FBXO4: variants seen among roughly 807,000 people sequenced by gnomAD.
FBXO4 encodes the protein F-box only protein 4.
Under a neutral mutation model 43.7 loss-of-function variants are expected in FBXO4, and 36 were observed. The ratio of observed to expected loss-of-function variants is 0.82; its 90% CI spans 0.63 to 1.09. The LOEUF is 1.09. FBXO4 is among the 50% of genes least tolerant of loss of function. The probability of loss-of-function intolerance (pLI) is 0.00; values close to 1 mark genes in which losing one functional copy is unlikely to be tolerated. For synonymous variants in FBXO4, 180 were observed against 165.6 expected (o/e 1.09, Z -0.67); for missense variants, 435 against 474.1 (o/e 0.92, Z 0.77).
the FBXO4 span, among the ~76,000 whole-genome samples, chr5:41,983,170 A>G: frequency 6.6e-6 from 1 of 152,226 alleles, no homozygotes; most frequent in African/African-American, 2.4e-5. Context: ...ATAGTACCAC[A>G]ATAAACATAC....
the FBXO4 span, among the ~76,000 whole-genome samples, chr5:42,004,862 G>A: frequency 6.6e-6 from 1 of 152,080 alleles, no homozygotes; most frequent in South Asian, 2.1e-4. Context: ...TGATGCTTTT[G>A]AATTTACAGT....
chr5:41,973,447 C>T, the FBXO4 span, among the ~76,000 whole-genome samples: 4 of 152,042 alleles, frequency 2.6e-5, no homozygotes, highest in African/African-American at 4.8e-5. Flanking sequence ...AATGGTGAGG[C>T]GAGAGGATTG....
At chr5:41,989,930 T>C in the FBXO4 span, among the ~76,000 whole-genome samples, 1 of 152,162 alleles carries the variant, frequency 6.6e-6, no homozygotes, top group Admixed American at 6.6e-5. Context: ...ACTGGGGAAA[T>C]ACGGCAGGGA....
chr5:41,939,517 G>T lies in FBXO4; in HGVS notation c.975G>T (p.Leu325Phe). Residue 325 changes from leucine to phenylalanine, a missense_variant, in exon 6 of 7, where the codon TTG becomes TTT. By Grantham distance (22) the Leu-to-Phe change is conservative. Coordinates refer to ENST00000281623, the MANE Select transcript of FBXO4 (RefSeq NM_012176.3). ...DPAFGSSGRPLLVLSCISQGD... is the reference protein window; with the variant it reads ...DPAFGSSGRPFLVLSCISQGD... ...CCTTTGGGTCTTCGGGAAGACCATTGTTGGTTTTATCTTGTATTTCTCAAG... is the reference window on the plus strand; with the variant it reads ...CCTTTGGGTCTTCGGGAAGACCATTTTTGGTTTTATCTTGTATTTCTCAAG... 1 of 1,613,778 alleles carries T rather than the reference G, an allele frequency of 6.2e-7. No homozygotes were observed. The highest frequency in any genetic ancestry group is 8.5e-7 in the Non-Finnish European group (1 of 1,179,796).
At chr5:41,942,545 C>G (rs117839931), downstream of FBXO4, among the ~76,000 whole-genome samples, 1,756 of 152,098 alleles carry the variant, frequency 0.012, 77 homozygotes, top group Admixed American at 0.074. Context: ...ACCTTATGCT[C>G]TTTTTTTCTT....
the FBXO4 span, among the ~76,000 whole-genome samples, chr5:41,979,663 T>C: frequency 6.6e-6 from 1 of 152,220 alleles, no homozygotes; most frequent in African/African-American, 2.4e-5. Context: ...GGTGCCAGCA[T>C]ACCACTGTTA....
chr5:42,020,090 A>G, the FBXO4 span, among the ~76,000 whole-genome samples: 1 of 152,178 alleles, frequency 6.6e-6, no homozygotes, highest in Non-Finnish European at 1.5e-5. Flanking sequence ...GGATTAGGAA[A>G]TAGTGGGAAG....
chr5:41,967,159 T>C, the FBXO4 span: 1 of 417,982 alleles, frequency 2.4e-6, no homozygotes, highest in Non-Finnish European at 4.7e-6. Context: ...TACTCCAAGC[T>C]CTTTAGACTT....
chr5:41,938,546 T>C (rs905731044), intron 5 of FBXO4, among the ~76,000 whole-genome samples: 1 of 152,224 alleles, frequency 6.6e-6, no homozygotes, highest in Non-Finnish European at 1.5e-5. Flanking sequence ...CAATTTCTAT[T>C]AACAAATTAC....
chr5:42,004,702 G>A, the FBXO4 span, among the ~76,000 whole-genome samples: 1 of 152,116 alleles, frequency 6.6e-6, no homozygotes, highest in African/African-American at 2.4e-5. Context: ...TAAGCACACA[G>A]TCTTGATTCC....
At chr5:41,998,604 G>C in the FBXO4 span, among the ~76,000 whole-genome samples, 5 of 152,050 alleles carry the variant, frequency 3.3e-5, no homozygotes, top group Non-Finnish European at 5.9e-5. Context: ...CTACTTAGTG[G>C]GCCCAAATCA....
the FBXO4 span, among the ~76,000 whole-genome samples, chr5:41,992,086 AAT>A: frequency 2.6e-5 from 4 of 151,898 alleles, no homozygotes; most frequent in South Asian, 8.3e-4. Context: ...CTCATAAAAA[AAT>A]ATATATATAT....
chr5:41,974,365 G>T, the FBXO4 span, among the ~76,000 whole-genome samples: 1 of 152,074 alleles, frequency 6.6e-6, no homozygotes, highest in African/African-American at 2.4e-5. Flanking sequence ...TAGATGGTTT[G>T]ATATTGTTCC....
intron 5 of FBXO4, 102 bp from the exon 6 acceptor site, chr5:41,939,339 C>T: frequency 9.7e-7 from 1 of 1,028,794 alleles, no homozygotes; most frequent in East Asian, 2.5e-5. Flanking sequence ...ATGTTTGGAT[C>T]CTGGTAAATT....
At chr5:41,948,829 C>T in the FBXO4 span, among the ~76,000 whole-genome samples, 4 of 152,108 alleles carry the variant, frequency 2.6e-5, no homozygotes, top group Admixed American at 1.3e-4. Context: ...AACAAAATCT[C>T]GCTGTTTCTG....
chr5:41,999,494 CATATATATATGTGTATAT>C, the FBXO4 span, among the ~76,000 whole-genome samples: 4 of 86,868 alleles, frequency 4.6e-5, no homozygotes, highest in African/African-American at 1.6e-4. Context: ...TATATATATA[CATATATATATGTGTATAT>C]ATATATATAT....
At chr5:42,025,264 G>A in the FBXO4 span, among the ~76,000 whole-genome samples, 3 of 151,994 alleles carry the variant, frequency 2.0e-5, no homozygotes, top group African/African-American at 7.2e-5. Flanking sequence ...GGGGTGAGAT[G>A]ATATCTCATT....
the FBXO4 span, among the ~76,000 whole-genome samples, chr5:41,965,185 G>T: frequency 2.2e-4 from 33 of 152,302 alleles, no homozygotes; most frequent in Middle Eastern, 3.4e-3. Context: ...TCAAAGATCA[G>T]ATGGTTGTAG....
At chr5:41,959,243 G>A in the FBXO4 span, among the ~76,000 whole-genome samples, 1 of 151,986 alleles carries the variant, frequency 6.6e-6, no homozygotes, top group Admixed American at 6.6e-5. Flanking sequence ...CAGGTTATTT[G>A]TTTTCTTACT....
Sources: gnomAD v4.1 joint callset for allele counts (sites outside exome capture counted in the v4.1 genomes callset) on GRCh38, gnomAD v4.1.1 for gene constraint, MANE v1.5 for transcripts, NCBI Gene and HGNC (gene_info 2026-07-23, HGNC 2026-07-21) for gene names.